ITGAV: variants seen among roughly 807,000 people sequenced by gnomAD.
ITGAV encodes the protein integrin alpha-V.
ITGAV carries 76 observed loss-of-function variants against 143.8 expected under a neutral mutation model. The observed-to-expected ratio is 0.53, with a 90% CI of 0.44 to 0.64. The LOEUF is 0.64. ITGAV is among the 30% of genes least tolerant of loss of function. The probability of loss-of-function intolerance (pLI) is 0.00; values close to 1 mark genes in which losing one functional copy is unlikely to be tolerated. For synonymous variants in ITGAV, 453 were observed against 446.7 expected (o/e 1.01, Z -0.18); for missense variants, 1,193 against 1,274.7 (o/e 0.94, Z 0.98).
intron 2 of ITGAV, among the ~76,000 whole-genome samples, chr2:186,619,007 G>A (rs1687446251): frequency 6.6e-6 from 1 of 151,834 alleles, no homozygotes; most frequent in African/African-American, 2.4e-5. Context: ...CAGTTCAGGT[G>A]TCTAACAACA....
intron 7 of ITGAV, 38 bp downstream of exon 7, chr2:186,636,245 G>A (rs1302951175): frequency 1.3e-6 from 2 of 1,547,804 alleles, no homozygotes; most frequent in Admixed American, 1.8e-5. Flanking sequence ...TTGGAACTGT[G>A]GTACATATAT....
rs1689320578 is a variant in ITGAV, at chr2:186,680,422, T to A, written c.*3130T>A. ...TAATTTCTGATATATAATGAACTTC[T>A]TGGGAGAGGTACTGAATCTTTGATG... is the stretch of plus-strand genomic sequence containing the variant. On this transcript the variant is annotated 3_prime_UTR_variant, in exon 30 of 30. Coordinates refer to ENST00000261023, the MANE Select transcript of ITGAV (RefSeq NM_002210.5). 6.6e-6 allele frequency: 1 copy of A among 152,550 alleles called. No individual in the cohort carries two copies. Among genetic ancestry groups the A allele is most frequent in the Non-Finnish European group, 1.5e-5 (1 of 67,976 alleles). 9.4% of individuals were successfully genotyped at this position (152,550 alleles called of 1,614,324 possible).
intron 1 of ITGAV, among the ~76,000 whole-genome samples, chr2:186,601,507 A>T (rs1686904453): frequency 6.6e-6 from 1 of 152,016 alleles, no homozygotes; most frequent in Non-Finnish European, 1.5e-5. Flanking sequence ...AATATTTCTA[A>T]TGCAAGATAA....
chr2:186,654,522 T>G (rs1688527632), intron 15 of ITGAV, 128 bp from the exon 16 acceptor site: 2 of 533,468 alleles, frequency 3.7e-6, no homozygotes, highest in Non-Finnish European at 6.7e-6. Flanking sequence ...AGAATAATAT[T>G]AAGACATGAA....
At chr2:186,657,932 A>G (rs1688635522) in intron 17 of ITGAV, among the ~76,000 whole-genome samples, 1 of 150,854 alleles carries the variant, frequency 6.6e-6, no homozygotes, top group Admixed American at 6.7e-5. Flanking sequence ...AGACTTCTCA[A>G]TTTTAAATAG....
At chr2:186,601,971 G>A in intron 1 of ITGAV, 50 bp from the exon 2 acceptor site, 1 of 1,574,460 alleles carries the variant, frequency 6.4e-7, no homozygotes, top group Non-Finnish European at 8.6e-7. Context: ...AGAAGATATT[G>A]CTTACACTTT....
Position 186,638,440 on chromosome 2 carries a change from C to T in ITGAV, c.878C>T (p.Ser293Phe). ...ATTTATGATGGGAAGAACATGTCCT[C>T]CTTATACAATTTTACTGGCGAGCAG... is the stretch of plus-strand genomic sequence containing the variant. Reference protein sequence around the residue: ...VYIYDGKNMSSLYNFTGEQMA... With the variant: ...VYIYDGKNMSFLYNFTGEQMA... Residue 293 changes from serine to phenylalanine, a missense_variant, in exon 10 of 30, where the codon TCC becomes TTC. Physicochemically the swap from Ser to Phe is radical, Grantham distance 155 (BLOSUM62 -2). Coordinates refer to ENST00000261023, the MANE Select transcript of ITGAV (RefSeq NM_002210.5). The T allele has an allele frequency of 4.3e-6, 7 of 1,611,480 alleles. No homozygotes were observed. Among genetic ancestry groups the T allele is most frequent in the Non-Finnish European group, 5.1e-6 (6 of 1,178,734 alleles).
rs75404844 is a variant in ITGAV at position 186,598,003 on chromosome 2, A to C, written c.186-4018A>C. Among the ~76,000 whole-genome samples the C allele has an allele frequency of 6.2e-3, 944 of 152,178 alleles. 11 individuals carry two copies. Among genetic ancestry groups the C allele is most frequent in the African/African-American group, 0.021 (885 of 41,504 alleles). ...GTAGGTTTCCAGGCAAAGCTTGAGA[A>C]CCAGTTCTCCTATCCTGATGTAGAA... On this transcript the variant is annotated intron_variant, in intron 1 of 29. Coordinates refer to ENST00000261023, the MANE Select transcript of ITGAV (RefSeq NM_002210.5).
In ITGAV at chr2:186,641,516, G is replaced by A; in HGVS notation, c.1087G>A (p.Gly363Arg). ...AGACTTCCAGACGACAAAGCTGAATGGATTTGAGGTCTTTGCACGGTTTGG... is the reference window on the plus strand; with the variant it reads ...AGACTTCCAGACGACAAAGCTGAATAGATTTGAGGTCTTTGCACGGTTTGG... ...SGDFQTTKLNGFEVFARFGSA... is the reference protein window; with the variant it reads ...SGDFQTTKLNRFEVFARFGSA... Residue 363 changes from glycine (G) to arginine (R), a missense_variant, in exon 12 of 30, where the codon GGA becomes AGA. Coordinates refer to ENST00000261023, the MANE Select transcript of ITGAV (RefSeq NM_002210.5). The A allele has an allele frequency of 6.2e-7, 1 of 1,614,168 alleles. No homozygotes were observed.
chr2:186,646,574 C>T (rs1688265975), intron 12 of ITGAV, 112 bp from the exon 13 acceptor site: 1 of 651,532 alleles, frequency 1.5e-6, no homozygotes, highest in Non-Finnish European at 2.6e-6. Flanking sequence ...ACTTTCTTCT[C>T]TTCATCCTTG....
intron 17 of ITGAV, among the ~76,000 whole-genome samples, chr2:186,657,157 G>A (rs1688614032): frequency 6.6e-6 from 1 of 152,160 alleles, no homozygotes; most frequent in Admixed American, 6.5e-5. Context: ...CACTTTGGGA[G>A]GCCAAAGCAG....
rs1689321162 is a variant in ITGAV, at chr2:186,680,462, T to C, written c.*3170T>C. 6.6e-6 allele frequency: 1 copy of C among 152,526 alleles called. No homozygotes were observed. The highest frequency in any genetic ancestry group is 1.5e-5 in the Non-Finnish European group (1 of 67,962). The allele number at this position is 152,526 out of a possible 1,614,324, so 9.4% of individuals were successfully genotyped here. A position where few individuals can be genotyped will look rare whatever the true frequency, so the allele number is the denominator to read the frequency against. On this transcript the variant is annotated 3_prime_UTR_variant, in exon 30 of 30. Transcript: ENST00000261023. ...AATCTTTGATGTTTTTTGTCATTGT[T>C]CTCAAGTGCAATATAACAATGTAAC... is the stretch of plus-strand genomic sequence containing the variant.
Position 186,680,440 on chromosome 2 carries a change from C to G in ITGAV, c.*3148C>G, listed in dbSNP as rs199552924. ...GAACTTCTTGGGAGAGGTACTGAAT[C>G]TTTGATGTTTTTTGTCATTGTTCTC... On this transcript the variant is annotated 3_prime_UTR_variant, in exon 30 of 30. Coordinates refer to ENST00000261023, the MANE Select transcript of ITGAV (RefSeq NM_002210.5). 3 of 152,422 alleles carry G rather than the reference C, an allele frequency of 2.0e-5. No homozygotes were observed. The highest frequency in any genetic ancestry group is 4.4e-5 in the Non-Finnish European group (3 of 67,934). 9.4% of individuals were successfully genotyped at this position (152,422 alleles called of 1,614,324 possible). A position where few individuals can be genotyped will look rare whatever the true frequency, so the allele number is the denominator to read the frequency against.
chr2:186,598,292 T>TGCACAC (rs1686801765), intron 1 of ITGAV, among the ~76,000 whole-genome samples: 1 of 43,744 alleles, frequency 2.3e-5, no homozygotes, highest in African/African-American at 6.7e-5. Context: ...TATTATAATT[T>TGCACAC]ATACACACAC....
intron 16 of ITGAV, among the ~76,000 whole-genome samples, chr2:186,654,976 C>T (rs1025458173): frequency 1.5e-4 from 23 of 152,124 alleles, no homozygotes; most frequent in South Asian, 1.2e-3. Flanking sequence ...TAAGCAGTTA[C>T]GAATGTGACA....
chr2:186,653,825 A>G (rs552884729), intron 15 of ITGAV, among the ~76,000 whole-genome samples: 64 of 152,348 alleles, frequency 4.2e-4, no homozygotes, highest in African/African-American at 1.5e-3. Flanking sequence ...TAAACACATA[A>G]AAGTAATTAA....
intron 2 of ITGAV, among the ~76,000 whole-genome samples, chr2:186,615,290 A>G (rs751517394): frequency 6.6e-6 from 1 of 152,100 alleles, no homozygotes; most frequent in Non-Finnish European, 1.5e-5. Context: ...TTGTGGGGAC[A>G]TATGTTTTCC....
At chr2:186,620,065 G>C (rs1271150042) in intron 2 of ITGAV, among the ~76,000 whole-genome samples, 4 of 152,024 alleles carry the variant, frequency 2.6e-5, no homozygotes, top group African/African-American at 9.7e-5. Flanking sequence ...TAGTTATAGT[G>C]AACAACTCAC....
At chr2:186,620,653 C>T (rs1309244834) in intron 2 of ITGAV, among the ~76,000 whole-genome samples, 2 of 152,162 alleles carry the variant, frequency 1.3e-5, no homozygotes, top group African/African-American at 4.8e-5. Context: ...GACCCAGCTA[C>T]TGTGGCGGCT....
Sources: gnomAD v4.1 joint callset for allele counts (sites outside exome capture counted in the v4.1 genomes callset) on GRCh38, gnomAD v4.1.1 for gene constraint, MANE v1.5 for transcripts, NCBI Gene and HGNC (gene_info 2026-07-23, HGNC 2026-07-21) for gene names.